The following ELF2 variants were observed in gnomAD, a reference collection of about 807,000 sequenced individuals.
The protein encoded by ELF2 is ETS-related transcription factor Elf-2.
In ELF2, 11 loss-of-function variants were observed where a neutral mutation model predicts 54.8. That is an observed-to-expected ratio of 0.20 (90% CI 0.13 to 0.33). ELF2 has a LOEUF of 0.33. ELF2 is among the 10% of genes least tolerant of loss of function. The probability of loss-of-function intolerance (pLI) is 1.00; values close to 1 mark genes in which losing one functional copy is unlikely to be tolerated. For synonymous variants in ELF2, 203 were observed against 245.1 expected (o/e 0.83, Z 1.61); for missense variants, 513 against 703.0 (o/e 0.73, Z 3.06).
chr4:139,122,980 C>T (rs1036500207), intron 4 of ELF2, among the ~76,000 whole-genome samples: 3 of 151,674 alleles, frequency 2.0e-5, no homozygotes, highest in African/African-American at 7.3e-5. Flanking sequence ...GTCAAGAAAT[C>T]GAGACCATCC....
intron 7 of ELF2, chr4:139,067,218 G>A (rs1207559719): frequency 1.3e-5 from 2 of 152,490 alleles, no homozygotes; most frequent in African/African-American, 2.4e-5. Flanking sequence ...TTAAGACCAG[G>A]AGGTCAAGGC....
chr4:139,083,786 T>TG (rs1731531301), intron 4 of ELF2, among the ~76,000 whole-genome samples: 1 of 152,096 alleles, frequency 6.6e-6, no homozygotes, highest in African/African-American at 2.4e-5. Context: ...CCTCAGCAAC[T>TG]GGGGTGAAGC....
chr4:139,172,082 C>G (rs1011826019), intron 1 of ELF2, among the ~76,000 whole-genome samples: 2 of 152,134 alleles, frequency 1.3e-5, no homozygotes, highest in African/African-American at 4.8e-5. Context: ...TCCTAAAAAG[C>G]TAAACGTATG....
At chr4:139,150,427 G>C (rs944726663) in intron 1 of ELF2, among the ~76,000 whole-genome samples, 1 of 151,022 alleles carries the variant, frequency 6.6e-6, no homozygotes, top group Admixed American at 6.6e-5. Flanking sequence ...GCTGAGGTGG[G>C]AGAACCACTT....
intron 1 of ELF2, among the ~76,000 whole-genome samples, chr4:139,160,805 A>G (rs977521014): frequency 6.6e-6 from 1 of 152,014 alleles, no homozygotes; most frequent in Non-Finnish European, 1.5e-5. Flanking sequence ...TCTACTAAAA[A>G]TACAAAAATT....
intron 1 of ELF2, among the ~76,000 whole-genome samples, chr4:139,152,092 C>G (rs1740056090): frequency 6.6e-6 from 1 of 152,072 alleles, no homozygotes; most frequent in Non-Finnish European, 1.5e-5. Flanking sequence ...CAAAAGGGTA[C>G]AAGGAAACTC....
intron 3 of ELF2, among the ~76,000 whole-genome samples, chr4:139,132,977 C>T (rs929737094): frequency 2.0e-5 from 3 of 150,850 alleles, no homozygotes; most frequent in Non-Finnish European, 3.0e-5. Context: ...CTGTAAGCTC[C>T]GCCTCCCCCA....
At chr4:139,147,173 G>A (rs1408431997) in intron 1 of ELF2, among the ~76,000 whole-genome samples, 1 of 152,046 alleles carries the variant, frequency 6.6e-6, no homozygotes, top group East Asian at 1.9e-4. Flanking sequence ...TCCACAGGGA[G>A]CTCAAACAAA....
At chr4:139,084,426 CGGCAGGGGCAGG>C (rs1280808005) in intron 4 of ELF2, 43 of 1,267,040 alleles carry the variant, frequency 3.4e-5, no homozygotes, top group Middle Eastern at 3.1e-4. Flanking sequence ...GGGGCAGGGG[CGGCAGGGGCAGG>C]GGCGGCGGCG....
In ELF2 at chr4:139,068,923, G is replaced by A. The variant is rs139383945; in HGVS notation, c.527-1153C>T. Among the ~76,000 whole-genome samples, 160 of 151,218 alleles carry A rather than the reference G, an allele frequency of 1.1e-3. 1 individual carries two copies. The highest frequency in any genetic ancestry group is 3.8e-3 in the African/African-American group (157 of 41,122). On this transcript the variant is annotated intron_variant, in intron 6 of 9. Coordinates refer to ENST00000686138, the MANE Select transcript of ELF2 (RefSeq NM_001331036.3). ...AGATGGAGTCTCACTCTGTCACCCA[G>A]ACTGGAGCGCAGTGACGCGAACACA...
intron 1 of ELF2, among the ~76,000 whole-genome samples, chr4:139,169,998 G>A (rs1742117875): frequency 6.6e-6 from 1 of 151,912 alleles, no homozygotes; most frequent in African/African-American, 2.4e-5. Context: ...TTTTACTTAG[G>A]TTGACAGAAC....
intron 3 of ELF2, 96 bp from the exon 4 acceptor site, chr4:139,125,425 C>T (rs1736819078): frequency 1.4e-6 from 2 of 1,393,874 alleles, no homozygotes; most frequent in East Asian, 2.5e-5. Flanking sequence ...GAGCAGTCCA[C>T]ATAATGAGTT....
chr4:139,059,667 C>T (rs1367439236), intron 9 of ELF2, 60 bp from the exon 10 acceptor site: 2 of 1,543,702 alleles, frequency 1.3e-6, no homozygotes, highest in African/African-American at 1.4e-5. Context: ...AAATAGGTCT[C>T]CTGAGTAAAA....
chr4:139,165,216 T>C (rs1001552789), intron 1 of ELF2, among the ~76,000 whole-genome samples: 26 of 152,232 alleles, frequency 1.7e-4, no homozygotes, highest in African/African-American at 6.3e-4. Context: ...TTGTTTCCCA[T>C]CCATGTAACT....
intron 3 of ELF2, among the ~76,000 whole-genome samples, chr4:139,130,577 C>G (rs930644741): frequency 6.6e-6 from 1 of 152,076 alleles, no homozygotes; most frequent in African/African-American, 2.4e-5. Context: ...TTTTTCTATC[C>G]TACGTATTTA....
At chr4:139,156,322 C>A (rs550901261) in intron 1 of ELF2, among the ~76,000 whole-genome samples, 71 of 152,182 alleles carry the variant, frequency 4.7e-4, no homozygotes, top group Non-Finnish European at 7.6e-4. Context: ...ACTACAGGCA[C>A]CCGCCACCAT....
At chr4:139,102,348 C>T (rs1289446736) in intron 4 of ELF2, 1 of 141,902 alleles carries the variant, frequency 7.0e-6, no homozygotes, top group Non-Finnish European at 1.5e-5. Flanking sequence ...CAGTGAAACC[C>T]GGTCTCTACG....
chr4:139,161,679 A>AAAAAC (rs1741165991), intron 1 of ELF2, among the ~76,000 whole-genome samples: 1 of 148,672 alleles, frequency 6.7e-6, no homozygotes, highest in Non-Finnish European at 1.5e-5. Flanking sequence ...AAAAAAAAAA[A>AAAAAC]CTCTGAGTAG....
intron 3 of ELF2, among the ~76,000 whole-genome samples, chr4:139,130,977 G>A (rs1328225942): frequency 6.6e-6 from 1 of 152,082 alleles, no homozygotes; most frequent in East Asian, 1.9e-4. Context: ...ATTTTTATGG[G>A]AGAAAGGGGA....
Sources: allele counts gnomAD v4.1 joint callset (sites outside exome capture counted in the v4.1 genomes callset), GRCh38; gene constraint gnomAD v4.1.1; transcripts MANE v1.5; gene names NCBI Gene and HGNC (gene_info 2026-07-23, HGNC 2026-07-21).